NLGN1: variants seen among roughly 807,000 people sequenced by gnomAD.
NLGN1 encodes the protein neuroligin-1.
In NLGN1, 12 loss-of-function variants were observed where a neutral mutation model predicts 65.5. The ratio of observed to expected loss-of-function variants is 0.18; its 90% CI spans 0.12 to 0.30. The LOEUF is 0.30. Among genes scored for constraint, NLGN1 ranks in the 10% least tolerant of loss-of-function variants. The pLI, the probability that NLGN1 is intolerant of heterozygous loss-of-function variation, is 1.00. For missense variants in NLGN1, 750 were observed against 1,007.1 expected, an observed-to-expected ratio of 0.74 and a Z score of 3.46; for synonymous variants, 350 against 359.5, an observed-to-expected ratio of 0.97 and a Z score of 0.30.
At chr3:173,765,266 G>C (rs1386530923) in intron 3 of NLGN1, among the ~76,000 whole-genome samples, 1 of 152,086 alleles carries the variant, frequency 6.6e-6, no homozygotes, top group East Asian at 1.9e-4. Context: ...ATAGAACAAT[G>C]TGTTGCCAGA....
chr3:174,247,830 G>C (rs952323335), intron 4 of NLGN1, among the ~76,000 whole-genome samples: 7 of 152,184 alleles, frequency 4.6e-5, no homozygotes, highest in Admixed American at 2.6e-4. Flanking sequence ...GCTCTGCTTT[G>C]CTCCAATGTC....
At chr3:173,845,514 A>G (rs1290558851) in intron 4 of NLGN1, among the ~76,000 whole-genome samples, 2 of 152,172 alleles carry the variant, frequency 1.3e-5, no homozygotes, top group Non-Finnish European at 2.9e-5. Flanking sequence ...ATATTTTCAG[A>G]TATTTCTCTA....
At chr3:174,080,400 A>G (rs1741910995) in intron 4 of NLGN1, among the ~76,000 whole-genome samples, 1 of 152,178 alleles carries the variant, frequency 6.6e-6, no homozygotes, top group Non-Finnish European at 1.5e-5. Flanking sequence ...GAATGAAAGG[A>G]AGTAAAGTAC....
At chr3:173,707,457 T>C (rs1000480951) in intron 3 of NLGN1, among the ~76,000 whole-genome samples, 8 of 152,130 alleles carry the variant, frequency 5.3e-5, no homozygotes, top group African/African-American at 1.9e-4. Flanking sequence ...ATAAACAAGA[T>C]ACTGGCTTGA....
chr3:174,105,627 C>T (rs76434698), intron 4 of NLGN1, among the ~76,000 whole-genome samples: 1 of 144,856 alleles, frequency 6.9e-6, no homozygotes, highest in Admixed American at 6.9e-5. Context: ...CATGTTTATT[C>T]AGGACAATTG....
upstream of NLGN1, among the ~76,000 whole-genome samples, chr3:173,396,076 G>C (rs1716601984): frequency 6.6e-6 from 1 of 152,034 alleles, no homozygotes; most frequent in Non-Finnish European, 1.5e-5. Flanking sequence ...CGGCGGCGGC[G>C]GCGGCGGGGA....
downstream of NLGN1, among the ~76,000 whole-genome samples, chr3:174,288,301 A>G (rs1752354094): frequency 6.6e-6 from 1 of 151,542 alleles, no homozygotes; most frequent in African/African-American, 2.4e-5. Context: ...TGCCAATTCA[A>G]ATTTCATGGA....
intron 4 of NLGN1, among the ~76,000 whole-genome samples, chr3:174,123,267 A>G (rs972097629): frequency 1.3e-5 from 2 of 152,184 alleles, no homozygotes; most frequent in Non-Finnish European, 2.9e-5. Flanking sequence ...AATGGCCACC[A>G]GAGTAGCAGA....
intron 3 of NLGN1, among the ~76,000 whole-genome samples, chr3:173,773,757 A>C (rs796240913): frequency 1.3e-5 from 2 of 152,188 alleles, no homozygotes; most frequent in Non-Finnish European, 2.9e-5. Context: ...AATCACACAT[A>C]TAACTGTATA....
intron 4 of NLGN1, among the ~76,000 whole-genome samples, chr3:174,046,936 G>A (rs966956667): frequency 1.1e-4 from 16 of 151,912 alleles, no homozygotes; most frequent in African/African-American, 3.9e-4. Flanking sequence ...AGGTTTGGAA[G>A]TATTAAAAAT....
intron 4 of NLGN1, among the ~76,000 whole-genome samples, chr3:174,104,536 A>C (rs2152588703): frequency 6.6e-6 from 1 of 152,310 alleles, no homozygotes; most frequent in Non-Finnish European, 1.5e-5. Flanking sequence ...ACTTGTTTTT[A>C]AAATACAGCA....
chr3:173,996,863 A>G (rs954776020), intron 4 of NLGN1, among the ~76,000 whole-genome samples: 5 of 152,152 alleles, frequency 3.3e-5, no homozygotes, highest in African/African-American at 9.7e-5. Flanking sequence ...GGGGAACACC[A>G]TAAGAGATGA....
At chr3:174,291,277 C>G (rs377013088), downstream of NLGN1, among the ~76,000 whole-genome samples, 1 of 150,726 alleles carries the variant, frequency 6.6e-6, no homozygotes, top group South Asian at 2.1e-4. Context: ...GTATATGGAA[C>G]CTTCGAAAAA....
At chr3:173,569,587 C>CTTTTTTTTTTTTTTTT (rs58825067) in intron 2 of NLGN1, among the ~76,000 whole-genome samples, 1 of 139,362 alleles carries the variant, frequency 7.2e-6, no homozygotes, top group Non-Finnish European at 1.6e-5. Flanking sequence ...ATCATGGTTT[C>CTTTTTTTTTTTTTTTT]TTTTTTTTTT....
intron 3 of NLGN1, among the ~76,000 whole-genome samples, chr3:173,645,783 G>A (rs1758153877): frequency 6.6e-6 from 1 of 152,178 alleles, no homozygotes; most frequent in Non-Finnish European, 1.5e-5. Flanking sequence ...CTTCAGCCTT[G>A]GAAAGCTCTT....
chr3:173,902,171 T>G (rs1737502437), intron 4 of NLGN1, among the ~76,000 whole-genome samples: 1 of 152,102 alleles, frequency 6.6e-6, no homozygotes, highest in African/African-American at 2.4e-5. Context: ...CTAACTTCTT[T>G]TAGCTTGAAT....
chr3:173,784,910 T>A (rs1781719561), intron 3 of NLGN1, among the ~76,000 whole-genome samples: 1 of 152,042 alleles, frequency 6.6e-6, no homozygotes, highest in Non-Finnish European at 1.5e-5. Flanking sequence ...CACAGACATA[T>A]ACACAGAAAA....
chr3:173,433,786 G>A (rs912352170), intron 1 of NLGN1, among the ~76,000 whole-genome samples: 8 of 152,070 alleles, frequency 5.3e-5, no homozygotes, highest in Admixed American at 3.3e-4. Flanking sequence ...CACTTTATGC[G>A]TAATGGAAGT....
chr3:173,787,702 C>G (rs892346841), intron 3 of NLGN1, among the ~76,000 whole-genome samples: 1 of 152,212 alleles, frequency 6.6e-6, no homozygotes, highest in Non-Finnish European at 1.5e-5. Context: ...TTTAAGATGG[C>G]ATGTTTACAT....
Sources: allele counts gnomAD v4.1 joint callset (sites outside exome capture counted in the v4.1 genomes callset), GRCh38; gene constraint gnomAD v4.1.1; transcripts MANE v1.5; gene names NCBI Gene and HGNC (gene_info 2026-07-23, HGNC 2026-07-21).